Variants in KCNK9 observed in about 807,000 individuals in gnomAD.
KCNK9 encodes the protein potassium two pore domain channel subfamily K member 9.
Under a neutral mutation model 10.8 loss-of-function variants are expected in KCNK9, and 1 was observed. That is an observed-to-expected ratio of 0.09 (90% CI 0.03 to 0.44). The LOEUF is 0.44. KCNK9 is among the 20% of genes least tolerant of loss of function. KCNK9 has a pLI of 0.97. For missense variants in KCNK9, 303 were observed against 515.0 expected (o/e 0.59, Z 3.98); for synonymous variants, 231 against 222.7 (o/e 1.04, Z -0.33).
chr8:139,642,481 C>T (rs1168025453), intron 1 of KCNK9, among the ~76,000 whole-genome samples: 3 of 152,250 alleles, frequency 2.0e-5, no homozygotes, highest in Non-Finnish European at 4.4e-5. Context: ...CAAGCCTTCC[C>T]ACACATCCTG....
At chr8:139,610,727 C>T (rs935307460), downstream of KCNK9, among the ~76,000 whole-genome samples, 3 of 152,220 alleles carry the variant, frequency 2.0e-5, no homozygotes, top group Non-Finnish European at 4.4e-5. Flanking sequence ...GAGACTCGGG[C>T]TAGGGTGGTT....
intron 1 of KCNK9, among the ~76,000 whole-genome samples, chr8:139,636,063 C>T (rs1484312532): frequency 6.6e-6 from 1 of 152,212 alleles, no homozygotes; most frequent in African/African-American, 2.4e-5. Flanking sequence ...CCCTGGAATT[C>T]TGTTCATTCC....
At chr8:139,624,466 C>T (rs1189108901) in intron 1 of KCNK9, among the ~76,000 whole-genome samples, 2 of 152,166 alleles carry the variant, frequency 1.3e-5, no homozygotes, top group East Asian at 1.9e-4. Context: ...TTTCTCAGCC[C>T]GGCTGGCCCC....
At position 139,618,279 on chromosome 8, in the gene KCNK9, C is replaced by T. The variant is rs1814660972; in HGVS notation, c.1104G>A (p.Met368Ile). The T allele has an allele frequency of 6.2e-7, 1 of 1,614,110 alleles. No homozygotes were observed. Among genetic ancestry groups the T allele is most frequent in the African/African-American group, 1.3e-5 (1 of 74,938 alleles). The part of the protein sequence containing the change: ...LHSFTDHQRL[M>I]KRRKSV ...ACACCTAAACGGACTTCCGGCGTTTCATCAGCCTCTGGTGGTCGGTAAAGC... is the reference window on the plus strand; with the variant it reads ...ACACCTAAACGGACTTCCGGCGTTTTATCAGCCTCTGGTGGTCGGTAAAGC... Residue 368 changes from methionine (M) to isoleucine (I), a missense_variant, in exon 2 of 2, where the codon ATG becomes ATA. This residue lies in a region of KCNK9 where 138 missense variants were observed against 161.1 expected (regional missense o/e 0.86). Coordinates refer to ENST00000520439, the MANE Select transcript of KCNK9 (RefSeq NM_001282534.2). This position sits in a 1 kb window ranked among gnomAD's most constrained non-coding sequence, Gnocchi z 7.9.
At chr8:139,678,077 G>A (rs2129755581) in intron 1 of KCNK9, among the ~76,000 whole-genome samples, 1 of 149,172 alleles carries the variant, frequency 6.7e-6, no homozygotes, top group South Asian at 2.1e-4. Context: ...AACTGCAGCT[G>A]GCAGACTTCT....
intron 1 of KCNK9, among the ~76,000 whole-genome samples, chr8:139,665,644 C>G (rs1417140456): frequency 1.3e-5 from 2 of 152,202 alleles, no homozygotes; most frequent in African/African-American, 2.4e-5. Context: ...GTTCTGTGGA[C>G]CTTAGCTCCT....
chr8:139,700,383 C>T (rs979656816), intron 1 of KCNK9, among the ~76,000 whole-genome samples: 4 of 152,010 alleles, frequency 2.6e-5, no homozygotes, highest in African/African-American at 4.8e-5. Flanking sequence ...ACACTATGGC[C>T]GAATTCAGAT....
intron 1 of KCNK9, among the ~76,000 whole-genome samples, chr8:139,622,314 C>A (rs1814812097): frequency 6.6e-6 from 1 of 152,140 alleles, no homozygotes; most frequent in African/African-American, 2.4e-5. Flanking sequence ...ACTCCCAAGG[C>A]CTTCTAGGAA....
At chr8:139,616,401 CT>C (rs1249642300), downstream of KCNK9, 1 of 152,234 alleles carries the variant, frequency 6.6e-6, no homozygotes, top group Non-Finnish European at 1.5e-5. Flanking sequence ...AGGTTGAGAA[CT>C]GTCAACTTTG....
chr8:139,700,538 ACG>A (rs1382780049), intron 1 of KCNK9, among the ~76,000 whole-genome samples: 7 of 119,858 alleles, frequency 5.8e-5, no homozygotes, highest in East Asian at 6.0e-4. Context: ...ACACACACAC[ACG>A]CGCGCACACA....
At chr8:139,627,691 C>G (rs1815019757) in intron 1 of KCNK9, among the ~76,000 whole-genome samples, 1 of 152,262 alleles carries the variant, frequency 6.6e-6, no homozygotes, top group Non-Finnish European at 1.5e-5. Context: ...GATTAACACC[C>G]AACCTGGAGT....
At chr8:139,687,462 A>C (rs1399672382) in intron 1 of KCNK9, among the ~76,000 whole-genome samples, 1 of 142,966 alleles carries the variant, frequency 7.0e-6, no homozygotes, top group African/African-American at 2.6e-5. Context: ...ATATATATTC[A>C]TATATTCATA....
At chr8:139,635,133 C>T (rs145555714) in intron 1 of KCNK9, among the ~76,000 whole-genome samples, 2 of 152,346 alleles carry the variant, frequency 1.3e-5, no homozygotes, top group African/African-American at 2.4e-5. Flanking sequence ...CATAGCTCCG[C>T]TGCCTGGTAC....
chr8:139,690,036 G>A (rs1034830610), intron 1 of KCNK9, among the ~76,000 whole-genome samples: 4 of 152,234 alleles, frequency 2.6e-5, no homozygotes, highest in Non-Finnish European at 4.4e-5. Flanking sequence ...CTGCCCAGCT[G>A]AGCCTCAGAC....
intron 1 of KCNK9, among the ~76,000 whole-genome samples, chr8:139,635,400 G>A (rs58777904): frequency 0.069 from 10,541 of 152,270 alleles, 1,104 homozygotes; most frequent in African/African-American, 0.23. Flanking sequence ...AAGGGCCAGC[G>A]GAGGGGACCA....
downstream of KCNK9, among the ~76,000 whole-genome samples, chr8:139,609,106 A>ACCCCCCC (rs1554617339): frequency 9.7e-4 from 120 of 123,784 alleles, no homozygotes; most frequent in African/African-American, 1.2e-3. Flanking sequence ...GACCCATCCC[A>ACCCCCCC]CCCCACCCCG....
intron 1 of KCNK9, among the ~76,000 whole-genome samples, chr8:139,637,839 G>A (rs920412287): frequency 6.7e-6 from 1 of 150,130 alleles, no homozygotes; most frequent in Non-Finnish European, 1.5e-5. Flanking sequence ...TATGTCTAAG[G>A]CCTGAACCCA....
At chr8:139,615,794 G>A (rs1214329794), downstream of KCNK9, 3 of 151,928 alleles carry the variant, frequency 2.0e-5, no homozygotes, top group African/African-American at 7.3e-5. Flanking sequence ...TAGTTCCTGG[G>A]AATAGAGAAG....
chr8:139,633,639 C>T (rs943478159), intron 1 of KCNK9, among the ~76,000 whole-genome samples: 1 of 152,224 alleles, frequency 6.6e-6, no homozygotes, highest in East Asian at 1.9e-4. Context: ...CTCCCAGGCC[C>T]TCCCTTACAT....
Sources: gnomAD v4.1 joint callset for allele counts (sites outside exome capture counted in the v4.1 genomes callset) on GRCh38, gnomAD v4.1.1 for gene constraint, gnomAD v4.1.1 regional missense constraint, Gnocchi (gnomAD v3.1) non-coding constraint, MANE v1.5 for transcripts, NCBI Gene and HGNC (gene_info 2026-07-23, HGNC 2026-07-21) for gene names.